Variants in MRTFA observed in about 807,000 individuals in gnomAD.
MRTFA encodes the protein myocardin-related transcription factor A.
MRTFA carries 20 observed loss-of-function variants against 83.5 expected under a neutral mutation model. The ratio of observed to expected loss-of-function variants is 0.24; its 90% CI spans 0.17 to 0.35. The LOEUF (loss-of-function observed/expected upper bound fraction) is 0.35. Among genes scored for constraint, MRTFA ranks in the 10% least tolerant of loss-of-function variants. The pLI is 1.00. For missense variants in MRTFA, 1,200 were observed against 1,224.7 expected (o/e 0.98, Z 0.30); for synonymous variants, 659 against 541.2 (o/e 1.22, Z -3.02).
chr22:40,632,217 C>A (rs1288767033), intron 1 of MRTFA, among the ~76,000 whole-genome samples: 2 of 152,204 alleles, frequency 1.3e-5, no homozygotes, highest in Non-Finnish European at 2.9e-5. Flanking sequence ...ATATGAGTAG[C>A]CACCTTGAAA....
At chr22:40,567,524 G>A (rs2055723772) in intron 2 of MRTFA, among the ~76,000 whole-genome samples, 1 of 152,106 alleles carries the variant, frequency 6.6e-6, no homozygotes, top group Non-Finnish European at 1.5e-5. Context: ...TTTCAAGTTA[G>A]GAATTCTTCA....
At chr22:40,618,975 AAATAAT>A (rs1209370391) in intron 1 of MRTFA, among the ~76,000 whole-genome samples, 2 of 150,162 alleles carry the variant, frequency 1.3e-5, no homozygotes, top group Non-Finnish European at 3.0e-5. Context: ...ATAAAAATAA[AAATAAT>A]AATAATTAAA....
At chr22:40,521,490 G>GAATT (rs201908641) in intron 3 of MRTFA, among the ~76,000 whole-genome samples, 97 of 151,822 alleles carry the variant, frequency 6.4e-4, no homozygotes, top group South Asian at 3.3e-3. Context: ...CCCACAGCCT[G>GAATT]AATTAATTAA....
intron 3 of MRTFA, among the ~76,000 whole-genome samples, chr22:40,464,638 G>A (rs1436339566): frequency 6.6e-6 from 1 of 152,124 alleles, no homozygotes; most frequent in African/African-American, 2.4e-5. Flanking sequence ...ACATCTGAGA[G>A]GAACCAGAAT....
At chr22:40,580,553 G>T (rs2055932878) in intron 2 of MRTFA, among the ~76,000 whole-genome samples, 1 of 152,100 alleles carries the variant, frequency 6.6e-6, no homozygotes, top group East Asian at 1.9e-4. Flanking sequence ...AAAATGAAAT[G>T]ATAAACCCAA....
chr22:40,618,766 C>A (rs1427949243), intron 1 of MRTFA, among the ~76,000 whole-genome samples: 1 of 151,990 alleles, frequency 6.6e-6, no homozygotes, highest in East Asian at 1.9e-4. Flanking sequence ...GAATTCAAGA[C>A]CAGCCTGGCT....
In MRTFA at chr22:40,417,030, C is replaced by G; in HGVS notation, c.2534G>C (p.Ser845Thr). 1 of 1,595,516 alleles carries G rather than the reference C, an allele frequency of 6.3e-7. No homozygotes were observed. Among genetic ancestry groups the G allele is most frequent in the Non-Finnish European group, 8.5e-7 (1 of 1,171,022 alleles). The change falls in exon 14 of 15, where the codon AGC becomes ACC. Residue 845 changes from serine to threonine, a missense_variant. Ser to Thr is a moderately conservative substitution (Grantham distance 58, BLOSUM62 1). Coordinates refer to ENST00000355630, the MANE Select transcript of MRTFA (RefSeq NM_020831.6). ...GTCAAACAGGTCGTCCATCTGCTGG[C>G]TTGAGGAACCATTTTCCTGTGGGAC...
intron 2 of MRTFA, among the ~76,000 whole-genome samples, chr22:40,577,167 G>C (rs2055878945): frequency 6.7e-6 from 1 of 148,190 alleles, no homozygotes; most frequent in Admixed American, 6.9e-5. Context: ...AGGCTGCAGT[G>C]AGCCATGATA....
intron 1 of MRTFA, among the ~76,000 whole-genome samples, chr22:40,629,610 T>C (rs1314822661): frequency 6.7e-6 from 1 of 148,608 alleles, no homozygotes; most frequent in African/African-American, 2.5e-5. Context: ...AAAAAAAATA[T>C]ATACATATAC....
At chr22:40,629,615 A>G (rs2147449760) in intron 1 of MRTFA, among the ~76,000 whole-genome samples, 1 of 150,954 alleles carries the variant, frequency 6.6e-6, no homozygotes, top group East Asian at 2.0e-4. Context: ...AAATATATAC[A>G]TATACAAAAA....
intron 3 of MRTFA, among the ~76,000 whole-genome samples, chr22:40,482,089 T>C (rs559703551): frequency 1.8e-4 from 27 of 151,154 alleles, no homozygotes; most frequent in Non-Finnish European, 3.5e-4. Flanking sequence ...ATGAGGACTC[T>C]AATGTGTTTA....
At chr22:40,619,225 G>T (rs887105707) in intron 1 of MRTFA, among the ~76,000 whole-genome samples, 6 of 151,280 alleles carry the variant, frequency 4.0e-5, no homozygotes, top group Non-Finnish European at 5.9e-5. Context: ...CCACTGAAAG[G>T]CTTTAAGGGC....
chr22:40,447,975 T>C (rs890888803), intron 4 of MRTFA, among the ~76,000 whole-genome samples: 3 of 152,194 alleles, frequency 2.0e-5, no homozygotes, highest in African/African-American at 7.2e-5. Flanking sequence ...GGCATATTGC[T>C]TGAGCCCAGG....
At chr22:40,457,279 C>G (rs1179285521) in intron 4 of MRTFA, among the ~76,000 whole-genome samples, 1 of 151,796 alleles carries the variant, frequency 6.6e-6, no homozygotes. Context: ...GCAAGAAAAT[C>G]GCTTGAACCC....
chr22:40,417,317 C>T (rs1403429725), intron 13 of MRTFA, 24 bp downstream of exon 13: 2 of 1,605,354 alleles, frequency 1.2e-6, no homozygotes, highest in Non-Finnish European at 8.5e-7. Context: ...CCAACACTAG[C>T]CAGGCCTAGC....
Position 40,498,284 on chromosome 22 carries a change from T to A in MRTFA, c.242-34998A>T, listed in dbSNP as rs1395374912. 2.1e-3 allele frequency among the ~76,000 whole-genome samples: 216 copies of A among 104,632 alleles called. 2 individuals are homozygous for A. Among genetic ancestry groups the A allele is most frequent in the Middle Eastern group, 0.018 (4 of 226 alleles). The allele number at this position is 104,632 out of a possible 152,430, so 68.6% of individuals were successfully genotyped here. ...ATATATATATATATATTTTTTTTTT[T>A]TTTTTTTTTTTTTTTTTTGAGGCAG... On this transcript the variant is annotated intron_variant, in intron 3 of 14. Transcript: ENST00000355630.
intron 3 of MRTFA, among the ~76,000 whole-genome samples, chr22:40,513,948 T>G (rs1353925589): frequency 6.6e-6 from 1 of 151,736 alleles, no homozygotes; most frequent in Non-Finnish European, 1.5e-5. Flanking sequence ...AGTAATAATT[T>G]TTTTTTTTTA....
chr22:40,459,824 TATATAC>T (rs377265202), intron 4 of MRTFA, among the ~76,000 whole-genome samples: 3 of 56,402 alleles, frequency 5.3e-5, no homozygotes, highest in African/African-American at 2.0e-4. Flanking sequence ...CACACACACA[TATATAC>T]ATATATATAT....
intron 2 of MRTFA, among the ~76,000 whole-genome samples, chr22:40,573,018 A>G (rs1702935025): frequency 1.3e-5 from 2 of 152,230 alleles, no homozygotes; most frequent in South Asian, 4.1e-4. Context: ...GCCAGACACA[A>G]AAGACCACAT....
Sources: allele counts gnomAD v4.1 joint callset (sites outside exome capture counted in the v4.1 genomes callset), GRCh38; gene constraint gnomAD v4.1.1; transcripts MANE v1.5; gene names NCBI Gene and HGNC (gene_info 2026-07-23, HGNC 2026-07-21).